Variants in PPEF1 observed in about 807,000 individuals in gnomAD.
The protein encoded by PPEF1 is protein phosphatase with EF-hand domain 1, also known as serine/threonine-protein phosphatase with EF-hands 1.
Under a neutral mutation model 53.3 loss-of-function variants are expected in PPEF1, and 12 were observed. The ratio of observed to expected loss-of-function variants is 0.23; its 90% CI spans 0.14 to 0.36. The LOEUF (loss-of-function observed/expected upper bound fraction) is 0.36, where lower values mean the gene tolerates loss of function less well. Among genes scored for constraint, PPEF1 ranks in the 10% least tolerant of loss-of-function variants. The probability of loss-of-function intolerance (pLI) is 1.00; values close to 1 mark genes in which losing one functional copy is unlikely to be tolerated. For synonymous variants in PPEF1, 165 were observed against 176.7 expected, an observed-to-expected ratio of 0.93 and a Z score of 0.52; for missense variants, 334 against 490.4, an observed-to-expected ratio of 0.68 and a Z score of 3.01.
intron 11 of PPEF1, 124 bp downstream of exon 11, chrX:18,804,201 C>T: frequency 1.7e-6 from 1 of 590,228 alleles, no homozygotes. Context: ...CAAACAGAAA[C>T]CAGAGAAGGC....
Position 18,784,056 on chromosome X carries a change from G to C in PPEF1, c.912+8G>C. On this transcript the variant is annotated splice_region_variant and intron_variant, in intron 9 of 15. Transcript: ENST00000470157. ...CGTGTAGAGAGGAACAAGGTAAGAA[G>C]TAATGTTGGCATGAATCTTCTCTCA... 6 of 1,177,580 alleles carry C rather than the reference G, an allele frequency of 5.1e-6. No homozygotes were observed. Among genetic ancestry groups the C allele is most frequent in the Non-Finnish European group, 6.8e-6 (6 of 879,180 alleles).
upstream of PPEF1, among the ~76,000 whole-genome samples, chrX:18,682,525 A>C (rs192562631): frequency 4.2e-3 from 470 of 111,779 alleles, 3 homozygotes; most frequent in Middle Eastern, 0.023. Flanking sequence ...TGGAGCGGAC[A>C]CCAAGGGATC....
chrX:18,782,470 G>A (rs2046107488), intron 8 of PPEF1, 68 bp downstream of exon 8: 2 of 887,073 alleles, frequency 2.3e-6, no homozygotes, highest in South Asian at 4.8e-5. Flanking sequence ...TTTAAAAAGA[G>A]CCAAGAAAGA....
At chrX:18,714,278 T>TG (rs2044397336) in intron 1 of PPEF1, among the ~76,000 whole-genome samples, 1 of 36,685 alleles carries the variant, frequency 2.7e-5, no homozygotes, top group Non-Finnish European at 9.5e-5. Flanking sequence ...CGTTTTTTTG[T>TG]TTTTTTTTTT....
intron 3 of PPEF1, among the ~76,000 whole-genome samples, chrX:18,735,224 T>A (rs1234963641): frequency 9.8e-4 from 110 of 111,745 alleles, no homozygotes; most frequent in Non-Finnish European, 1.5e-3. Context: ...CTGAATGGTA[T>A]TGCCTAGGTT....
At chrX:18,757,068 G>C (rs1407317748) in intron 4 of PPEF1, among the ~76,000 whole-genome samples, 1 of 111,357 alleles carries the variant, frequency 9.0e-6, no homozygotes, top group African/African-American at 3.3e-5. Flanking sequence ...AAAGGAAAGA[G>C]CTTGAAAATC....
At chrX:18,685,684 CAAA>C (rs1212907646) in intron 2 of PPEF1, among the ~76,000 whole-genome samples, 1 of 28,743 alleles carries the variant, frequency 3.5e-5, no homozygotes, top group African/African-American at 1.3e-4. Flanking sequence ...GACTCCATCT[CAAA>C]AAAAAAAAAA....
chrX:18,815,926 G>GTT (rs1158643434), intron 12 of PPEF1, among the ~76,000 whole-genome samples: 1 of 103,126 alleles, frequency 9.7e-6, no homozygotes, highest in Non-Finnish European at 2.0e-5. Flanking sequence ...TTGAGATGGA[G>GTT]TTTTGCTCTT....
chrX:18,720,272 A>T (rs1225245443), intron 1 of PPEF1, among the ~76,000 whole-genome samples: 1 of 111,629 alleles, frequency 9.0e-6, no homozygotes, highest in African/African-American at 3.3e-5. Context: ...ATTAACAATT[A>T]TACTATCTTT....
intron 10 of PPEF1, among the ~76,000 whole-genome samples, chrX:18,802,966 C>T (rs1167370955): frequency 4.5e-5 from 5 of 110,847 alleles, no homozygotes; most frequent in African/African-American, 1.6e-4. Context: ...TTTGCGGAGA[C>T]CAGCTCAGTA....
At chrX:18,708,679 T>G (rs2044256788) in intron 1 of PPEF1, among the ~76,000 whole-genome samples, 1 of 111,812 alleles carries the variant, frequency 8.9e-6, no homozygotes, top group African/African-American at 3.3e-5. Flanking sequence ...CTATACTAAT[T>G]AGCGTGGGAT....
intron 1 of PPEF1, among the ~76,000 whole-genome samples, chrX:18,677,650 A>C (rs757185516): frequency 9.0e-6 from 1 of 111,148 alleles, no homozygotes; most frequent in African/African-American, 3.3e-5. Flanking sequence ...CTAGCTTCCT[A>C]TTGCGGTGAA....
intron 4 of PPEF1, among the ~76,000 whole-genome samples, chrX:18,756,685 A>G (rs2045556242): frequency 8.9e-6 from 1 of 112,588 alleles, no homozygotes; most frequent in Non-Finnish European, 1.9e-5. Flanking sequence ...CCTTATAGGC[A>G]AGGACTAGTA....
chrX:18,793,496 G>A (rs1469303283), intron 10 of PPEF1, among the ~76,000 whole-genome samples: 1 of 109,941 alleles, frequency 9.1e-6, no homozygotes, highest in Non-Finnish European at 1.9e-5. Context: ...CTTTTTTTGT[G>A]GCCTAGCATA....
intron 3 of PPEF1, among the ~76,000 whole-genome samples, chrX:18,738,815 T>G (rs1039944636): frequency 4.5e-5 from 5 of 112,035 alleles, no homozygotes; most frequent in Non-Finnish European, 9.4e-5. Context: ...CTTGGAGGCT[T>G]TGTTCATTTC....
intron 11 of PPEF1, among the ~76,000 whole-genome samples, chrX:18,806,149 G>A (rs944166530): frequency 1.8e-5 from 2 of 111,406 alleles, no homozygotes; most frequent in Admixed American, 9.6e-5. Flanking sequence ...CACTAAAATT[G>A]TACCCGAGAA....
chrX:18,773,753 A>C (rs756012698), intron 6 of PPEF1, among the ~76,000 whole-genome samples: 1 of 111,852 alleles, frequency 8.9e-6, no homozygotes, highest in Admixed American at 9.5e-5. Flanking sequence ...CTATAACTTT[A>C]TTCTTCCACT....
At chrX:18,798,866 T>C (rs1224903390) in intron 10 of PPEF1, among the ~76,000 whole-genome samples, 1 of 111,117 alleles carries the variant, frequency 9.0e-6, no homozygotes, top group Non-Finnish European at 1.9e-5. Context: ...TCGTTCATGA[T>C]CCACCCATCT....
At chrX:18,719,340 CTT>C (rs1181211988) in intron 1 of PPEF1, among the ~76,000 whole-genome samples, 6 of 92,165 alleles carry the variant, frequency 6.5e-5, no homozygotes, top group African/African-American at 2.4e-4. Context: ...TACAACTCAT[CTT>C]TTTTTTTTTT....
Sources: allele counts gnomAD v4.1 joint callset (sites outside exome capture counted in the v4.1 genomes callset), GRCh38; gene constraint gnomAD v4.1.1; transcripts MANE v1.5; gene names NCBI Gene and HGNC (gene_info 2026-07-23, HGNC 2026-07-21).